The following ATP8B1 variants were observed in gnomAD, a reference collection of about 807,000 sequenced individuals.
The protein encoded by ATP8B1 is phospholipid-transporting ATPase IC.
In ATP8B1, 80 loss-of-function variants were observed where a neutral mutation model predicts 149.9. The observed-to-expected ratio is 0.53, with a 90% confidence interval of 0.45 to 0.64. ATP8B1 has a LOEUF of 0.64. Among genes scored for constraint, ATP8B1 ranks in the 30% least tolerant of loss-of-function variants. The pLI is 0.00. For missense variants in ATP8B1, 1,247 were observed against 1,552.6 expected (o/e 0.80, Z 3.31); for synonymous variants, 536 against 562.8 (o/e 0.95, Z 0.67).
intron 1 of ATP8B1, among the ~76,000 whole-genome samples, chr18:57,734,901 T>A (rs2079831258): frequency 6.6e-6 from 1 of 152,192 alleles, no homozygotes; most frequent in Non-Finnish European, 1.5e-5. Context: ...CATCCACCTT[T>A]AAACAGGAGG....
At chr18:57,701,352 G>C (rs371384724) in intron 4 of ATP8B1, 39 bp from the exon 5 acceptor site, 3 of 1,553,812 alleles carry the variant, frequency 1.9e-6, no homozygotes, top group East Asian at 2.2e-5. Flanking sequence ...GTCCATGAAG[G>C]CATATCAAGC....
At chr18:57,732,161 ATGTATATATGTATATATG>A (rs2079778769) in intron 1 of ATP8B1, 1 of 27,436 alleles carries the variant, frequency 3.6e-5, no homozygotes, top group African/African-American at 1.3e-4. Flanking sequence ...ATGTATATAT[ATGTATATATGTATATATG>A]TGTATATATG....
At chr18:57,798,152 A>G (rs1311168182) in intron 1 of ATP8B1, among the ~76,000 whole-genome samples, 1 of 152,194 alleles carries the variant, frequency 6.6e-6, no homozygotes, top group Non-Finnish European at 1.5e-5. Context: ...GTCATTAGCA[A>G]CGCCTACCCA....
At position 57,704,637 on chromosome 18, in the gene ATP8B1, G is replaced by A; in HGVS notation, c.311C>T (p.Ala104Val). The A allele has an allele frequency of 6.2e-7, 1 of 1,609,572 alleles. No homozygotes were observed. ...CAGATTCATTGGTATAAAGGTAAAT[G>A]CGTTGTACTTGTATGTTTTAATTGC... is the stretch of plus-strand genomic sequence containing the variant. ...NNAIKTYKYN[A>V]FTFIPMNLFE... is the part of the protein sequence containing the mutation. Residue 104 changes from alanine to valine, a missense_variant, in exon 4 of 28, where the codon GCA (alanine) becomes GTA (valine). Around this residue, in one of 3 missense-constraint regions of ATP8B1, gnomAD observed 853 missense variants for 1,035.7 expected, o/e 0.82. Coordinates refer to ENST00000648908, the MANE Select transcript of ATP8B1 (RefSeq NM_001374385.1).
intron 1 of ATP8B1, among the ~76,000 whole-genome samples, chr18:57,797,611 C>T (rs564492946): frequency 2.0e-5 from 3 of 152,010 alleles, no homozygotes; most frequent in Admixed American, 2.0e-4. Flanking sequence ...CCTGGGCTAT[C>T]CCCCAGGACC....
intron 17 of ATP8B1, among the ~76,000 whole-genome samples, chr18:57,671,044 G>C (rs1263660874): frequency 6.6e-6 from 1 of 152,234 alleles, no homozygotes; most frequent in Non-Finnish European, 1.5e-5. Flanking sequence ...GGCTAGACAA[G>C]ATGTGACCTA....
At chr18:57,734,828 ACAGGG>A (rs1205650255) in intron 1 of ATP8B1, among the ~76,000 whole-genome samples, 1 of 152,144 alleles carries the variant, frequency 6.6e-6, no homozygotes, top group Non-Finnish European at 1.5e-5. Context: ...CTGGTGAGAG[ACAGGG>A]CTAGCTGGAT....
In ATP8B1 at chr18:57,798,271, C is replaced by A. The variant is rs552894795; in HGVS notation, c.-26+4727G>T. Among the ~76,000 whole-genome samples, 12 of 152,004 alleles carry A rather than the reference C, an allele frequency of 7.9e-5. No individual in the cohort carries two copies. In the East Asian group the frequency reaches 2.3e-3, roughly 29 times the overall value. ...GGTAGTAATTAAAAAACAAAACAAA[C>A]AAACAAAAAAACCAGGAGTGTGGGT... On this transcript the variant is annotated intron_variant, in intron 1 of 27. Transcript: ENST00000648908.
intron 2 of ATP8B1, among the ~76,000 whole-genome samples, chr18:57,707,253 G>A (rs371212244): frequency 9.2e-5 from 14 of 152,088 alleles, no homozygotes; most frequent in African/African-American, 2.7e-4. Context: ...CTGAGATTGC[G>A]CCACTGCACT....
At chr18:57,778,863 T>C (rs2080334084) in intron 1 of ATP8B1, among the ~76,000 whole-genome samples, 1 of 152,186 alleles carries the variant, frequency 6.6e-6, no homozygotes, top group Admixed American at 6.5e-5. Flanking sequence ...GGCCATATTT[T>C]ATTCACTAGA....
At chr18:57,801,106 C>T (rs1327452850) in intron 1 of ATP8B1, among the ~76,000 whole-genome samples, 1 of 152,188 alleles carries the variant, frequency 6.6e-6, no homozygotes, top group Non-Finnish European at 1.5e-5. Flanking sequence ...ATAACATGTG[C>T]ACACAGGTGT....
chr18:57,728,150 A>C (rs2079727022), intron 2 of ATP8B1, among the ~76,000 whole-genome samples: 1 of 152,100 alleles, frequency 6.6e-6, no homozygotes, highest in South Asian at 2.1e-4. Context: ...CTTTCTTTAA[A>C]AAAAAAAGAA....
At position 57,766,535 on chromosome 18, in the gene ATP8B1, G is replaced by A. The variant is rs138638971; in HGVS notation, c.-25-34703C>T. On this transcript the variant is annotated intron_variant, in intron 1 of 27. Transcript: ENST00000648908. ...AAAATCACACATCCTACCTTAATGG[G>A]GCTAAGAGTTCAGCCCAATGGCTCT... Among the ~76,000 whole-genome samples, 9 of 152,198 alleles carry A rather than the reference G, an allele frequency of 5.9e-5. No homozygotes were observed. In the East Asian group the frequency reaches 1.5e-3, roughly 26 times the overall value.
intron 12 of ATP8B1, among the ~76,000 whole-genome samples, chr18:57,690,831 C>G (rs1273715586): frequency 6.6e-6 from 1 of 152,118 alleles, no homozygotes; most frequent in African/African-American, 2.4e-5. Context: ...ACTATCCCTC[C>G]CAAAAAGGTC....
intron 1 of ATP8B1, among the ~76,000 whole-genome samples, chr18:57,747,737 G>A (rs532146832): frequency 9.2e-5 from 14 of 152,222 alleles, no homozygotes; most frequent in Admixed American, 5.9e-4. Flanking sequence ...AAGACTGGTC[G>A]ACAGAGCCTT....
chr18:57,660,371 T>A (rs990289734), intron 22 of ATP8B1, among the ~76,000 whole-genome samples: 2 of 152,130 alleles, frequency 1.3e-5, no homozygotes, highest in African/African-American at 4.8e-5. Context: ...GGTGACCCAA[T>A]GATGAAGTTC....
chr18:57,667,018 C>T (rs901447635), intron 20 of ATP8B1, 74 bp downstream of exon 20: 12 of 1,345,594 alleles, frequency 8.9e-6, no homozygotes, highest in African/African-American at 1.4e-5. Context: ...TTCATATCTG[C>T]TATCTTCTAC....
chr18:57,788,057 T>C (rs758052970), intron 1 of ATP8B1, among the ~76,000 whole-genome samples: 1 of 151,794 alleles, frequency 6.6e-6, no homozygotes, highest in South Asian at 2.1e-4. Flanking sequence ...GAATACGGAA[T>C]GAACAAAATA....
At chr18:57,708,660 T>G (rs1913540957) in intron 2 of ATP8B1, 1 of 152,166 alleles carries the variant, frequency 6.6e-6, no homozygotes, top group African/African-American at 2.4e-5. Context: ...CAGACAAGAT[T>G]TCTCAAGAAG....
Sources: gnomAD v4.1 joint callset for allele counts (sites outside exome capture counted in the v4.1 genomes callset) on GRCh38, gnomAD v4.1.1 for gene constraint, gnomAD v4.1.1 regional missense constraint, MANE v1.5 for transcripts, NCBI Gene and HGNC (gene_info 2026-07-23, HGNC 2026-07-21) for gene names.